The following CIT variants were observed in gnomAD, a reference collection of about 807,000 sequenced individuals.
The protein encoded by CIT is citron rho-interacting serine/threonine kinase, also known as citron Rho-interacting kinase.
Under a neutral mutation model 272.7 loss-of-function variants are expected in CIT, and 79 were observed. The ratio of observed to expected loss-of-function variants is 0.29; its 90% CI spans 0.24 to 0.35. The LOEUF (loss-of-function observed/expected upper bound fraction) is 0.35. Among genes scored for constraint, CIT ranks in the 10% least tolerant of loss-of-function variants. The pLI is 1.00. For synonymous variants in CIT, 948 were observed against 995.6 expected, an observed-to-expected ratio of 0.95 and a Z score of 0.90; for missense variants, 1,909 against 2,618.3, an observed-to-expected ratio of 0.73 and a Z score of 5.91.
chr12:119,704,226 AC>A, intron 41 of CIT, 136 bp downstream of exon 41: 1 of 695,728 alleles, frequency 1.4e-6, no homozygotes, highest in South Asian at 1.9e-5. Flanking sequence ...GACAGAGGTC[AC>A]CCCAGGCTAA....
intron 22 of CIT, among the ~76,000 whole-genome samples, chr12:119,753,848 A>C (rs1370738425): frequency 1.3e-5 from 2 of 152,204 alleles, no homozygotes; most frequent in African/African-American, 4.8e-5. Flanking sequence ...AGTCTGAGGC[A>C]AAAGATAAGA....
rs565393542 is a variant in CIT at position 119,784,245 on chromosome 12, T to A, written c.1402-194A>T. The A allele has an allele frequency of 5.3e-5, 85 of 1,591,018 alleles. No individual in the cohort carries two copies. The African/African-American group carries it at 9.8e-4, about 18-fold the overall frequency. On this transcript the variant is annotated intron_variant, in intron 11 of 47. Transcript: ENST00000392521. This position sits in a 1 kb window ranked among gnomAD's most constrained non-coding sequence, Gnocchi z 4.7. ...TTCGTTAAGGACAGTCACCAAATGC[T>A]AAGTCACTCCTCTCATTCAAGTCCC...
chr12:119,816,481 G>A (rs1471024188), intron 9 of CIT, among the ~76,000 whole-genome samples: 1 of 152,132 alleles, frequency 6.6e-6, no homozygotes, highest in East Asian at 1.9e-4. Flanking sequence ...AGATGAGCAA[G>A]AAACTCTGAG....
chr12:119,836,607 T>C (rs1435802785), intron 5 of CIT, among the ~76,000 whole-genome samples: 2 of 152,228 alleles, frequency 1.3e-5, no homozygotes, highest in African/African-American at 4.8e-5. Context: ...GAAGTACTTA[T>C]ACTTTTAGTA....
chr12:119,819,731 T>C (rs185224573), intron 9 of CIT, among the ~76,000 whole-genome samples: 3 of 152,354 alleles, frequency 2.0e-5, no homozygotes. Flanking sequence ...TTCGAAGTAT[T>C]TCGGTTGATG....
At chr12:119,806,899 A>G (rs1011493402) in intron 9 of CIT, among the ~76,000 whole-genome samples, 1 of 152,184 alleles carries the variant, frequency 6.6e-6, no homozygotes, top group Non-Finnish European at 1.5e-5. Context: ...TCCATAAATA[A>G]AAAGTCTTGT....
At chr12:119,838,446 G>T (rs1428684241) in intron 5 of CIT, among the ~76,000 whole-genome samples, 1 of 152,100 alleles carries the variant, frequency 6.6e-6, no homozygotes, top group African/African-American at 2.4e-5. Flanking sequence ...ACCACTTAGG[G>T]AGCTTAAAGG....
intron 7 of CIT, among the ~76,000 whole-genome samples, chr12:119,830,053 CA>C (rs1968499982): frequency 6.6e-6 from 1 of 150,516 alleles, no homozygotes; most frequent in Non-Finnish European, 1.5e-5. Flanking sequence ...ATGTTTAACC[CA>C]AAACCACTAT....
At chr12:119,849,166 C>T (rs1324364340) in intron 5 of CIT, among the ~76,000 whole-genome samples, 1 of 152,202 alleles carries the variant, frequency 6.6e-6, no homozygotes, top group Non-Finnish European at 1.5e-5. Context: ...GTGGCTCACT[C>T]CTGTAATCAC....
intron 29 of CIT, 127 bp downstream of exon 29, chr12:119,721,182 G>C (rs1226214723): frequency 1.4e-6 from 1 of 695,838 alleles, no homozygotes; most frequent in Non-Finnish European, 2.2e-6. Flanking sequence ...GGCCAGGCTG[G>C]TCTCGAACTC....
In CIT at chr12:119,877,287, G is replaced by C. The variant is rs1594034572; in HGVS notation, c.-52C>G. On this transcript the variant is annotated 5_prime_UTR_variant, in exon 1 of 48. Coordinates refer to ENST00000392521, the MANE Select transcript of CIT (RefSeq NM_001206999.2). ...CCAGGTCTGCGATCTGTTCCGCCCC[G>C]CGCCTCCCGCCGCCGCGTTTGAACC... 6.6e-6 allele frequency: 1 copy of C among 152,306 alleles called. No homozygotes were observed. The highest frequency in any genetic ancestry group is 2.4e-5 in the African/African-American group (1 of 41,452). The allele number at this position is 152,306 out of a possible 1,614,324, so 9.4% of individuals were successfully genotyped here.
At chr12:119,764,642 A>C (rs994085552) in intron 19 of CIT, among the ~76,000 whole-genome samples, 1 of 151,658 alleles carries the variant, frequency 6.6e-6, no homozygotes, top group South Asian at 2.1e-4. Context: ...GAAAAGAAAA[A>C]ACCTCAATGG....
chr12:119,751,226 T>C (rs1960222093), intron 23 of CIT, among the ~76,000 whole-genome samples: 1 of 152,108 alleles, frequency 6.6e-6, no homozygotes, highest in South Asian at 2.1e-4. Flanking sequence ...AAAAAGAAAA[T>C]GTGAAGATTG....
At chr12:119,852,917 GA>G (rs1223038747) in intron 4 of CIT, among the ~76,000 whole-genome samples, 3 of 151,836 alleles carry the variant, frequency 2.0e-5, no homozygotes, top group South Asian at 2.1e-4. Flanking sequence ...AATGGTTTAA[GA>G]AAAAAAGTTG....
chr12:119,724,802 G>C (rs1230947739), intron 28 of CIT, among the ~76,000 whole-genome samples: 1 of 151,930 alleles, frequency 6.6e-6, no homozygotes. Context: ...AGCCGGGCGT[G>C]ATAGCAGGCA....
At chr12:119,769,797 T>C (rs1962887275) in intron 18 of CIT, among the ~76,000 whole-genome samples, 1 of 152,234 alleles carries the variant, frequency 6.6e-6, no homozygotes, top group Non-Finnish European at 1.5e-5. Context: ...CATATATTTA[T>C]AAATACACAC....
At chr12:119,781,895 T>C (rs1177890964) in intron 13 of CIT, among the ~76,000 whole-genome samples, 1 of 152,216 alleles carries the variant, frequency 6.6e-6, no homozygotes, top group Non-Finnish European at 1.5e-5. Flanking sequence ...ATTTAATTGT[T>C]TTTAACCATC....
intron 8 of CIT, among the ~76,000 whole-genome samples, chr12:119,823,315 C>T (rs772130876): frequency 1.1e-4 from 16 of 152,206 alleles, no homozygotes; most frequent in Non-Finnish European, 1.9e-4. Flanking sequence ...GTTCTTGCTG[C>T]TTTCCTTGGC....
rs973228599 is a variant in CIT, at chr12:119,767,164, G to A, written c.2227C>T (p.Arg743Trp). ...TGCTGGGCTGAGACTTGGGCCTCCC[G>A]ATGTTTCTCTTCGAGCTCCTAGACA... ...DKILELEEKH[R>W]EAQVSAQHLE... The change falls in exon 19 of 48, where the codon CGG becomes TGG. Residue 743 changes from arginine (R) to tryptophan (W), a missense_variant. By Grantham distance (101) the Arg-to-Trp change is moderately radical. Around this residue, in one of 8 missense-constraint regions of CIT, gnomAD observed 530 missense variants for 822.4 expected, o/e 0.64. Transcript: ENST00000392521. 4 of 1,609,598 alleles carry A rather than the reference G, an allele frequency of 2.5e-6. No individual in the cohort carries two copies. The highest frequency in any genetic ancestry group is 1.7e-5 in the Admixed American group (1 of 59,534).
Sources: allele counts gnomAD v4.1 joint callset (sites outside exome capture counted in the v4.1 genomes callset), GRCh38; gene constraint gnomAD v4.1.1; regional missense constraint gnomAD v4.1.1; non-coding constraint Gnocchi (gnomAD v3.1); transcripts MANE v1.5; gene names NCBI Gene and HGNC (gene_info 2026-07-23, HGNC 2026-07-21).